Variants in SLC24A2 observed in about 807,000 individuals in gnomAD.
SLC24A2 encodes solute carrier family 24 member 2.
SLC24A2 carries 36 observed loss-of-function variants against 62.0 expected under a neutral mutation model. The ratio of observed to expected loss-of-function variants is 0.58; its 90% CI spans 0.44 to 0.77. The LOEUF (loss-of-function observed/expected upper bound fraction) is 0.77, where lower values mean the gene tolerates loss of function less well. SLC24A2 is among the 30% of genes least tolerant of loss of function. The pLI, the probability that SLC24A2 is intolerant of heterozygous loss-of-function variation, is 0.00. For synonymous variants in SLC24A2, 358 were observed against 294.0 expected (o/e 1.22, Z -2.23); for missense variants, 846 against 817.9 (o/e 1.03, Z -0.42).
At chr9:19,578,043 T>G (rs1477561811) in intron 5 of SLC24A2, among the ~76,000 whole-genome samples, 1 of 149,940 alleles carries the variant, frequency 6.7e-6, no homozygotes, top group East Asian at 2.0e-4. Flanking sequence ...GCTATGAGGA[T>G]GCAAAGGCAT....
At chr9:19,925,045 C>T in the SLC24A2 span, among the ~76,000 whole-genome samples, 10 of 152,156 alleles carry the variant, frequency 6.6e-5, no homozygotes. Context: ...CATGCTTGGA[C>T]CCTTGGCATC....
intron 2 of SLC24A2, among the ~76,000 whole-genome samples, chr9:19,682,610 G>T (rs1053659275): frequency 6.6e-6 from 1 of 152,104 alleles, no homozygotes; most frequent in Non-Finnish European, 1.5e-5. Flanking sequence ...ACATTATATA[G>T]TGTGACACAG....
At position 19,786,783 on chromosome 9, in the gene SLC24A2, A is replaced by G. The variant is rs747196973; in HGVS notation, c.84T>C (p.Tyr28=). ...DESLSGCRRH[Y]SVKKKLKLIR... is the part of the protein sequence containing the mutation. ...TTAACTTCAGTTTTTTCTTGACACT[A>G]TAATGTCTTCTGCAGCCAGACAGTG... The change falls in exon 2 of 11, where the codon TAT becomes TAC. Residue 28 remains tyrosine, a synonymous_variant. Coordinates refer to ENST00000341998, the MANE Select transcript of SLC24A2 (RefSeq NM_020344.4). This position sits in a 1 kb window ranked among gnomAD's most constrained non-coding sequence, Gnocchi z 5.0. 5 of 1,608,720 alleles carry G rather than the reference A, an allele frequency of 3.1e-6. No homozygotes were observed. Among genetic ancestry groups the G allele is most frequent in the African/African-American group, 2.7e-5 (2 of 74,578 alleles).
chr9:19,712,648 G>A (rs189169184), intron 2 of SLC24A2, among the ~76,000 whole-genome samples: 169 of 152,210 alleles, frequency 1.1e-3, no homozygotes, highest in Admixed American at 5.2e-3. Flanking sequence ...GTGCTCCAGC[G>A]ACACACACCC....
the SLC24A2 span, among the ~76,000 whole-genome samples, chr9:19,858,414 T>A: frequency 7.9e-5 from 12 of 152,232 alleles, no homozygotes; most frequent in Admixed American, 6.5e-4. Context: ...GGAAGAAACC[T>A]AGGAAATACC....
chr9:19,567,274 C>T lies in SLC24A2; in HGVS notation c.1347+6077G>A, dbSNP rs181539488. Among the ~76,000 whole-genome samples, 48 of 151,550 alleles carry T rather than the reference C, an allele frequency of 3.2e-4. 1 individual carries two copies. The highest frequency in any genetic ancestry group is 1.2e-3 in the East Asian group (6 of 5,172). ...AAAAGTAAGGAATATGGGCCGGGCA[C>T]GGTGGCTCACACCTGTAATCCCAGC... is the stretch of plus-strand genomic sequence containing the variant. On this transcript the variant is annotated intron_variant, in intron 7 of 10. Coordinates refer to ENST00000341998, the MANE Select transcript of SLC24A2 (RefSeq NM_020344.4).
chr9:19,962,274 G>C, the SLC24A2 span, among the ~76,000 whole-genome samples: 1 of 152,300 alleles, frequency 6.6e-6, no homozygotes, highest in African/African-American at 2.4e-5. Context: ...TAGCCTTGTA[G>C]TATAGTTTGA....
chr9:20,022,734 G>T, the SLC24A2 span, among the ~76,000 whole-genome samples: 2 of 152,098 alleles, frequency 1.3e-5, no homozygotes, highest in South Asian at 4.1e-4. Context: ...TTAAAAAGAA[G>T]AACAGTCAAA....
the SLC24A2 span, among the ~76,000 whole-genome samples, chr9:20,011,519 G>A: frequency 6.6e-6 from 1 of 152,218 alleles, no homozygotes; most frequent in South Asian, 2.1e-4. Flanking sequence ...GAAAGAGAAA[G>A]ATAAAGAAGA....
chr9:19,902,080 C>T, the SLC24A2 span, among the ~76,000 whole-genome samples: 1 of 152,104 alleles, frequency 6.6e-6, no homozygotes, highest in Non-Finnish European at 1.5e-5. Context: ...GCCTTAGGCC[C>T]TGTTTATAAT....
intron 8 of SLC24A2, among the ~76,000 whole-genome samples, chr9:19,532,166 T>A (rs1237534792): frequency 1.3e-5 from 2 of 152,196 alleles, no homozygotes; most frequent in Non-Finnish European, 2.9e-5. Context: ...CACCATAACC[T>A]CCACCTTGTG....
At chr9:20,239,351 C>T in the SLC24A2 span, among the ~76,000 whole-genome samples, 3 of 152,176 alleles carry the variant, frequency 2.0e-5, no homozygotes, top group Non-Finnish European at 2.9e-5. Context: ...TTTAACTATG[C>T]ACCTTCTATT....
chr9:19,706,367 T>C (rs1820517624), intron 2 of SLC24A2, among the ~76,000 whole-genome samples: 1 of 150,498 alleles, frequency 6.6e-6, no homozygotes, highest in African/African-American at 2.4e-5. Flanking sequence ...AGCACACTGA[T>C]GGGTCTTGAA....
At chr9:19,764,853 T>C (rs888966853) in intron 2 of SLC24A2, among the ~76,000 whole-genome samples, 1 of 152,230 alleles carries the variant, frequency 6.6e-6, no homozygotes, top group East Asian at 1.9e-4. Flanking sequence ...TGAATATCTC[T>C]GTTAATTTTT....
intron 2 of SLC24A2, among the ~76,000 whole-genome samples, chr9:19,783,224 T>C (rs1209153257): frequency 3.3e-5 from 5 of 152,208 alleles, no homozygotes; most frequent in East Asian, 1.9e-4. Context: ...GTTGACTTTT[T>C]TGCAAGAACC....
intron 2 of SLC24A2, among the ~76,000 whole-genome samples, chr9:19,626,601 A>G (rs759351310): frequency 2.1e-4 from 32 of 152,328 alleles, no homozygotes; most frequent in Admixed American, 5.2e-4. Flanking sequence ...AATAAACTTA[A>G]ACATATTATT....
At chr9:20,275,777 C>T in the SLC24A2 span, among the ~76,000 whole-genome samples, 10 of 152,228 alleles carry the variant, frequency 6.6e-5, no homozygotes, top group Non-Finnish European at 1.3e-4. Context: ...CAATTTGATG[C>T]GGCTGGGGAG....
At chr9:19,756,293 T>C (rs1364544768) in intron 2 of SLC24A2, among the ~76,000 whole-genome samples, 2 of 152,172 alleles carry the variant, frequency 1.3e-5, no homozygotes, top group African/African-American at 4.8e-5. Context: ...GATGTGCCCT[T>C]CTGCAGAGGA....
the SLC24A2 span, among the ~76,000 whole-genome samples, chr9:20,019,294 AGAAAGAAAGAAAGAAAG>A: frequency 1.8e-3 from 267 of 150,892 alleles, 2 homozygotes; most frequent in Middle Eastern, 6.8e-3. Context: ...AAAGAAAGAA[AGAAAGAAAGAAAGAAAG>A]AAAGTGAGTG....
Sources: gnomAD v4.1 joint callset for allele counts (sites outside exome capture counted in the v4.1 genomes callset) on GRCh38, gnomAD v4.1.1 for gene constraint, Gnocchi (gnomAD v3.1) non-coding constraint, MANE v1.5 for transcripts, NCBI Gene and HGNC (gene_info 2026-07-23, HGNC 2026-07-21) for gene names.